Variants in BAZ1A observed in about 807,000 individuals in gnomAD.
BAZ1A encodes bromodomain adjacent to zinc finger domain 1A.
Under a neutral mutation model 185.2 loss-of-function variants are expected in BAZ1A, and 50 were observed. The observed-to-expected ratio is 0.27, with a 90% confidence interval of 0.22 to 0.34. BAZ1A has a LOEUF of 0.34. Ranked by LOEUF, BAZ1A falls within the 10% of genes least tolerant of loss-of-function variation. The pLI is 1.00. For synonymous variants in BAZ1A, 571 were observed against 615.6 expected, an observed-to-expected ratio of 0.93 and a Z score of 1.07; for missense variants, 1,356 against 1,839.9, an observed-to-expected ratio of 0.74 and a Z score of 4.81.
intron 3 of BAZ1A, among the ~76,000 whole-genome samples, chr14:34,856,977 T>C (rs1318045456): frequency 2.6e-5 from 4 of 151,046 alleles, no homozygotes; most frequent in East Asian, 1.9e-4. Flanking sequence ...GCTAAACTGA[T>C]ACATTACTTC....
chr14:34,824,398 AG>A (rs1566581493), intron 4 of BAZ1A, among the ~76,000 whole-genome samples: 3 of 104,196 alleles, frequency 2.9e-5, no homozygotes, highest in Non-Finnish European at 3.8e-5. Flanking sequence ...AAAAAAAAAA[AG>A]CAGCAACTCA....
intron 21 of BAZ1A, 52 bp from the exon 22 acceptor site, chr14:34,765,320 T>C: frequency 1.3e-6 from 2 of 1,581,302 alleles, no homozygotes; most frequent in South Asian, 1.2e-5. Context: ...CCTAGTAATC[T>C]TCCTAGAAAT....
At chr14:34,787,945 T>C (rs914412741) in intron 12 of BAZ1A, among the ~76,000 whole-genome samples, 1 of 152,152 alleles carries the variant, frequency 6.6e-6, no homozygotes, top group Admixed American at 6.5e-5. Flanking sequence ...AGTCAGATAA[T>C]GTATATTCTA....
In BAZ1A at chr14:34,861,008, TA is replaced by T. The variant is rs551680658; in HGVS notation, c.392+1035del. ...TTTAAGATTCAAGTAGAGTAGCACC[TA>T]ACAATTAAAATGGATTATATTAATT... On this transcript the variant is annotated intron_variant, in intron 3 of 26. Transcript: ENST00000360310. 6.6e-5 allele frequency among the ~76,000 whole-genome samples: 10 copies of T among 152,332 alleles called. No individual in the cohort carries two copies. In the South Asian group the frequency reaches 2.1e-3, roughly 32 times the overall value.
intron 7 of BAZ1A, among the ~76,000 whole-genome samples, chr14:34,802,023 G>T (rs758993635): frequency 3.4e-4 from 52 of 152,134 alleles, no homozygotes; most frequent in Non-Finnish European, 7.6e-4. Context: ...GGAAAAACTG[G>T]TAATATATAG....
chr14:34,754,780 A>G, intron 26 of BAZ1A, 47 bp downstream of exon 26: 1 of 1,359,522 alleles, frequency 7.4e-7, no homozygotes, highest in Non-Finnish European at 1.0e-6. Flanking sequence ...TGCTATAACA[A>G]AATGCCTTAG....
At chr14:34,863,141 A>G (rs1308473885) in intron 2 of BAZ1A, among the ~76,000 whole-genome samples, 2 of 116,118 alleles carry the variant, frequency 1.7e-5, no homozygotes, top group African/African-American at 6.5e-5. Flanking sequence ...GGTGCCCGCC[A>G]CCACGCTCGG....
chr14:34,768,916 T>C, intron 21 of BAZ1A: 2 of 208,986 alleles, frequency 9.6e-6, no homozygotes, highest in Non-Finnish European at 1.9e-5. Context: ...AAACAAAACA[T>C]GATTTTATCT....
chr14:34,792,798 TGCTCTTTG>T lies in BAZ1A; in HGVS notation c.1479_1486del (p.Lys494ThrfsTer3). On this transcript the variant is annotated frameshift_variant, in exon 12 of 27. Coordinates refer to ENST00000360310, the MANE Select transcript of BAZ1A (RefSeq NM_013448.3). LOFTEE classifies it high-confidence loss of function. ...ACCTTTGGTGTCAGCATCAGTTAGTTGCTCTTTGGCTACTTCCTCTTCTTCTTCAGCTA... is the reference window on the plus strand; with the variant it reads ...ACCTTTGGTGTCAGCATCAGTTAGTTGCTACTTCCTCTTCTTCTTCAGCTA... 6.2e-7 allele frequency: 1 copy of T among 1,613,948 alleles called. No homozygotes were observed.
intron 3 of BAZ1A, among the ~76,000 whole-genome samples, chr14:34,844,773 ACG>A (rs1255387074): frequency 5.9e-3 from 219 of 37,330 alleles, no homozygotes; most frequent in African/African-American, 9.3e-3. Flanking sequence ...ACACACACAC[ACG>A]CGCACACACA....
chr14:34,847,906 C>A (rs1038671483), intron 3 of BAZ1A, among the ~76,000 whole-genome samples: 1 of 152,174 alleles, frequency 6.6e-6, no homozygotes, highest in Non-Finnish European at 1.5e-5. Context: ...GTCACCCAGG[C>A]TGCAGTGCAG....
Position 34,753,081 on chromosome 14 carries a change from CAAACAATT to C in BAZ1A, c.*419_*426del, listed in dbSNP as rs1432848315. ...ATGTGTAGTGTTGAAAGAATGTACT[CAAACAATT>C]AATTAAGACATAAACACCTTTTCTA... On this transcript the variant is annotated 3_prime_UTR_variant, in exon 27 of 27. Transcript: ENST00000360310. 2 of 152,858 alleles carry C rather than the reference CAAACAATT, an allele frequency of 1.3e-5. No individual in the cohort carries two copies. Among genetic ancestry groups the C allele is most frequent in the African/African-American group, 5.2e-5 (2 of 38,278 alleles). 9.5% of individuals were successfully genotyped at this position (152,858 alleles called of 1,614,324 possible). A position where few individuals can be genotyped will look rare whatever the true frequency, so the allele number is the denominator to read the frequency against.
chr14:34,844,316 A>G (rs1488510053), intron 3 of BAZ1A, among the ~76,000 whole-genome samples: 1 of 152,190 alleles, frequency 6.6e-6, no homozygotes, highest in African/African-American at 2.4e-5. Flanking sequence ...AATAAATTTA[A>G]CCAAAGAGGT....
chr14:34,835,434 T>A lies in BAZ1A; in HGVS notation c.393-9278A>T, dbSNP rs148324719. Among the ~76,000 whole-genome samples the A allele has an allele frequency of 1.8e-3, 277 of 152,000 alleles. 6 individuals carry two copies. Among genetic ancestry groups the A allele is most frequent in the African/African-American group, 6.5e-3 (267 of 41,290 alleles). Reference sequence around the variant, plus strand: ...GCCAAAACTTTAACTGTGTGACTCTTAAGCCCATATACTTTCTAATTTTCC... The same window carrying A: ...GCCAAAACTTTAACTGTGTGACTCTAAAGCCCATATACTTTCTAATTTTCC... On this transcript the variant is annotated intron_variant, in intron 3 of 26. Transcript: ENST00000360310.
intron 4 of BAZ1A, among the ~76,000 whole-genome samples, chr14:34,821,783 G>A (rs1170185286): frequency 6.6e-6 from 1 of 152,030 alleles, no homozygotes; most frequent in Non-Finnish European, 1.5e-5. Context: ...TTGGGAGTTC[G>A]CGACCAGCCT....
At chr14:34,871,524 G>A (rs1383257675) in intron 2 of BAZ1A, among the ~76,000 whole-genome samples, 5 of 152,206 alleles carry the variant, frequency 3.3e-5, no homozygotes, top group Admixed American at 3.3e-4. Flanking sequence ...AATCACTGAG[G>A]ATGCATCCTG....
At chr14:34,834,670 CATA>C (rs942699385) in intron 3 of BAZ1A, among the ~76,000 whole-genome samples, 7 of 152,172 alleles carry the variant, frequency 4.6e-5, no homozygotes, top group Non-Finnish European at 1.0e-4. Flanking sequence ...TAGCCCTTCC[CATA>C]GGTACTTAGC....
In BAZ1A at chr14:34,786,507, T is replaced by G. The variant is rs563015073; in HGVS notation, c.1511-286A>C. On this transcript the variant is annotated intron_variant, in intron 12 of 26. Coordinates refer to ENST00000360310, the MANE Select transcript of BAZ1A (RefSeq NM_013448.3). ...CATTCCCCCAAAAGATAAAATGCACTTTAGAATTAAAAACAAATCTCCTCA... is the reference window on the plus strand; with the variant it reads ...CATTCCCCCAAAAGATAAAATGCACGTTAGAATTAAAAACAAATCTCCTCA... 3 of 272,192 alleles carry G rather than the reference T, an allele frequency of 1.1e-5. No homozygotes were observed. The East Asian group carries it at 2.5e-4, about 23-fold the overall frequency. 16.9% of individuals were successfully genotyped at this position (272,192 alleles called of 1,614,324 possible). A position where few individuals can be genotyped will look rare whatever the true frequency, so the allele number is the denominator to read the frequency against.
chr14:34,872,941 A>AAAAAAAAAAAAAAAAAAAAAAAAAAC lies in BAZ1A; in HGVS notation c.113+1550_113+1551insGTTTTTTTTTTTTTTTTTTTTTTTTT, dbSNP rs1555346584. ...AAAAAAAAAAAAAAAAAAAAAAAAA[A>AAAAAAAAAAAAAAAAAAAAAAAAAAC]CTTGTCCAATTACCTAATCCAAGTT... On this transcript the variant is annotated intron_variant, in intron 2 of 26. Coordinates refer to ENST00000360310, the MANE Select transcript of BAZ1A (RefSeq NM_013448.3). 4.9e-5 allele frequency among the ~76,000 whole-genome samples: 6 copies of AAAAAAAAAAAAAAAAAAAAAAAAAAC among 122,616 alleles called. 1 individual carries two copies. The highest frequency in any genetic ancestry group is 9.8e-5 in the African/African-American group (3 of 30,742). 80.4% of individuals were successfully genotyped at this position (122,616 alleles called of 152,430 possible).
Sources: gnomAD v4.1 joint callset for allele counts (sites outside exome capture counted in the v4.1 genomes callset) on GRCh38, gnomAD v4.1.1 for gene constraint, MANE v1.5 for transcripts, NCBI Gene and HGNC (gene_info 2026-07-23, HGNC 2026-07-21) for gene names.